ANKRD50: variants seen among roughly 807,000 people sequenced by gnomAD.
ANKRD50 encodes ankyrin repeat domain 50.
A neutral mutation model predicts 112.0 loss-of-function variants in ANKRD50; 40 were observed. That is an observed-to-expected ratio of 0.36 (90% CI 0.28 to 0.46). ANKRD50 has a LOEUF of 0.46. Ranked by LOEUF, ANKRD50 falls within the 20% of genes least tolerant of loss-of-function variation. The pLI is 1.00. For synonymous variants in ANKRD50, 613 were observed against 619.1 expected, an observed-to-expected ratio of 0.99 and a Z score of 0.15; for missense variants, 1,487 against 1,701.7, an observed-to-expected ratio of 0.87 and a Z score of 2.22.
At chr4:124,681,163 A>T (rs533593636) in intron 2 of ANKRD50, among the ~76,000 whole-genome samples, 1 of 152,256 alleles carries the variant, frequency 6.6e-6, no homozygotes, top group Admixed American at 6.5e-5. Flanking sequence ...AAAAATCTCC[A>T]TCCAGAACTA....
intron 2 of ANKRD50, among the ~76,000 whole-genome samples, chr4:124,708,503 G>C (rs1333944622): frequency 1.3e-5 from 2 of 151,878 alleles, no homozygotes; most frequent in Non-Finnish European, 2.9e-5. Flanking sequence ...TCCCATATTT[G>C]AATTCTGTAC....
rs554751925 is a variant in ANKRD50 at position 124,684,954 on chromosome 4, C to T, written c.513-6049G>A. Among the ~76,000 whole-genome samples the T allele has an allele frequency of 2.2e-4, 33 of 152,280 alleles. No individual in the cohort carries two copies. In the East Asian group the frequency reaches 5.8e-3, roughly 27 times the overall value. ...TTTTTCTCTACCAAGAAAGCTCCCT[C>T]GCCAGGCAGTACTTCTTATCCTTCA... On this transcript the variant is annotated intron_variant, in intron 2 of 4. Transcript: ENST00000504087.
At chr4:124,668,650 C>T (rs1324759039) in intron 4 of ANKRD50, among the ~76,000 whole-genome samples, 1 of 152,062 alleles carries the variant, frequency 6.6e-6, no homozygotes, top group Non-Finnish European at 1.5e-5. Flanking sequence ...TAGGTCCAAG[C>T]ACTATTCCAA....
intron 2 of ANKRD50, among the ~76,000 whole-genome samples, chr4:124,705,206 T>C (rs926779847): frequency 6.6e-6 from 1 of 152,220 alleles, no homozygotes; most frequent in Non-Finnish European, 1.5e-5. Context: ...AGAAGGATTA[T>C]TCAAACATTC....
chr4:124,679,013 A>C (rs1724811469), intron 2 of ANKRD50, 108 bp from the exon 3 acceptor site: 2 of 844,830 alleles, frequency 2.4e-6, no homozygotes, highest in African/African-American at 1.7e-5. Context: ...GAATAAAATA[A>C]GGTATTAGAA....
rs367616100 is a variant in ANKRD50 at position 124,672,311 on chromosome 4, T to C, written c.966A>G (p.Glu322=). 14 of 1,613,378 alleles carry C rather than the reference T, an allele frequency of 8.7e-6. No homozygotes were observed. In the African/African-American group the frequency reaches 1.9e-4, roughly 22 times the overall value. ...TTAGAGTTCCTGGGATGTCACGAATTTCTCTTAACATAATAAAATTTTCTA... is the reference window on the plus strand; with the variant it reads ...TTAGAGTTCCTGGGATGTCACGAATCTCTCTTAACATAATAAAATTTTCTA... ...GVVENFIMLR[E]IRDIPGTLNG... Residue 322 remains glutamate (E), a synonymous_variant, in exon 4 of 5, where the codon GAA becomes GAG. Coordinates refer to ENST00000504087, the MANE Select transcript of ANKRD50 (RefSeq NM_020337.3).
Position 124,670,367 on chromosome 4 carries a change from T to G in ANKRD50, c.2910A>C (p.Ala970=), listed in dbSNP as rs1368817017. ...CTTCAGCATCACTTGCTTCTACGTT[T>G]GCACCATTTTCTAAAAAATATTCGG... ...TMAEYFLENG[A]NVEASDAEGR... The change falls in exon 4 of 5, where the codon GCA becomes GCC. Residue 970 remains alanine (A), a synonymous_variant. Transcript: ENST00000504087. 5 of 1,613,962 alleles carry G rather than the reference T, an allele frequency of 3.1e-6. No individual in the cohort carries two copies. Among genetic ancestry groups the G allele is most frequent in the Non-Finnish European group, 4.2e-6 (5 of 1,179,906 alleles).
In ANKRD50 at chr4:124,664,248, G is replaced by GGA. The variant is rs1038413945; in HGVS notation, c.*3269_*3270insTC. 2.0e-5 allele frequency: 3 copies of GGA among 151,778 alleles called. No homozygotes were observed. The highest frequency in any genetic ancestry group is 4.8e-5 in the African/African-American group (2 of 41,334). 9.4% of individuals were successfully genotyped at this position (151,778 alleles called of 1,614,324 possible). A position where few individuals can be genotyped will look rare whatever the true frequency, so the allele number is the denominator to read the frequency against. ...TGATATAGTATATAATCAGTCACGG[G>GGA]GGGGAAAAGAACATTAAGTCTTTAA... On this transcript the variant is annotated 3_prime_UTR_variant, in exon 5 of 5. Coordinates refer to ENST00000504087, the MANE Select transcript of ANKRD50 (RefSeq NM_020337.3).
chr4:124,682,594 T>C (rs897855850), intron 2 of ANKRD50, among the ~76,000 whole-genome samples: 4 of 152,152 alleles, frequency 2.6e-5, no homozygotes, highest in African/African-American at 9.6e-5. Flanking sequence ...GACTGTTATG[T>C]CCTCTTAAGT....
chr4:124,706,563 T>A (rs1309733277), intron 2 of ANKRD50, among the ~76,000 whole-genome samples: 1 of 152,082 alleles, frequency 6.6e-6, no homozygotes, highest in African/African-American at 2.4e-5. Flanking sequence ...TTAAAAAGCA[T>A]CAAGTAAATC....
chr4:124,674,564 A>T (rs1730727874), intron 3 of ANKRD50, among the ~76,000 whole-genome samples: 1 of 151,998 alleles, frequency 6.6e-6, no homozygotes, highest in Admixed American at 6.6e-5. Context: ...TCACAGTAAC[A>T]CAGCTAGAAA....
intron 2 of ANKRD50, among the ~76,000 whole-genome samples, chr4:124,696,001 T>C (rs746849981): frequency 2.6e-5 from 4 of 151,840 alleles, no homozygotes; most frequent in Non-Finnish European, 4.4e-5. Flanking sequence ...TAAAAAATTA[T>C]TAAACAGAAA....
rs1730500393 is a variant in ANKRD50 at position 124,666,718 on chromosome 4, TAGTC to T, written c.*796_*799del. The T allele has an allele frequency of 6.6e-6, 1 of 152,408 alleles. No homozygotes were observed. Among genetic ancestry groups the T allele is most frequent in the Non-Finnish European group, 1.5e-5 (1 of 67,928 alleles). 9.4% of individuals were successfully genotyped at this position (152,408 alleles called of 1,614,324 possible). ...GAGAATTTTCATGCCTCAGGAATGA[TAGTC>T]TGTCTTCTTAGAGGTGGAATGACAA... is the stretch of plus-strand genomic sequence containing the variant. On this transcript the variant is annotated 3_prime_UTR_variant, in exon 5 of 5. Transcript: ENST00000504087.
In ANKRD50 at chr4:124,671,588, T is replaced by A. The variant is rs1283164521; in HGVS notation, c.1689A>T (p.Leu563Phe). 1.9e-6 allele frequency: 3 copies of A among 1,613,854 alleles called. No individual in the cohort carries two copies. In the South Asian group the frequency reaches 3.3e-5, roughly 18 times the overall value. ...CTAAATCTGCTCCCCTAGAGACAAG[T>A]AAATTGACTACATCAAGACTGCCAC... ...AYSGSLDVVNLLVSRGADLEI... is the reference protein window; with the variant it reads ...AYSGSLDVVNFLVSRGADLEI... The change falls in exon 4 of 5, where the codon TTA becomes TTT. Residue 563 changes from leucine (L) to phenylalanine (F), a missense_variant. By Grantham distance (22) the Leu-to-Phe change is conservative (BLOSUM62 0). This residue lies in a region of ANKRD50 where 1,046 missense variants were observed against 1,269.5 expected (regional missense o/e 0.82). Transcript: ENST00000504087.
chr4:124,690,956 C>T (rs564548482), intron 2 of ANKRD50, among the ~76,000 whole-genome samples: 19 of 152,120 alleles, frequency 1.2e-4, no homozygotes, highest in Non-Finnish European at 2.5e-4. Context: ...ATAGTATAGG[C>T]ATACATTAAC....
In ANKRD50 at chr4:124,665,123, T is replaced by C. The variant is rs1223707966; in HGVS notation, c.*2395A>G. 6 of 151,912 alleles carry C rather than the reference T, an allele frequency of 3.9e-5. No individual in the cohort carries two copies. In the East Asian group the frequency reaches 1.2e-3, roughly 29 times the overall value. The allele number at this position is 151,912 out of a possible 1,614,324, so 9.4% of individuals were successfully genotyped here. On this transcript the variant is annotated 3_prime_UTR_variant, in exon 5 of 5. Coordinates refer to ENST00000504087, the MANE Select transcript of ANKRD50 (RefSeq NM_020337.3). ...TTTAATGGAGCAGAAGCCATTTTCATTTATAGTATTAAATCCCCCACAGAA... is the reference window on the plus strand; with the variant it reads ...TTTAATGGAGCAGAAGCCATTTTCACTTATAGTATTAAATCCCCCACAGAA...
chr4:124,708,088 C>A (rs1725545896), intron 2 of ANKRD50, among the ~76,000 whole-genome samples: 1 of 152,026 alleles, frequency 6.6e-6, no homozygotes, highest in Admixed American at 6.6e-5. Context: ...TGTCAATAAA[C>A]CTAAATAGCT....
rs1274328648 is a variant in ANKRD50, at chr4:124,664,186, T to C, written c.*3332A>G. On this transcript the variant is annotated 3_prime_UTR_variant, in exon 5 of 5. Transcript: ENST00000504087. ...CACACATATACAAAAGTTATTGGAT[T>C]ACTGCAATTCTCAGAGGCACAAAAC... 6.6e-6 allele frequency: 1 copy of C among 151,956 alleles called. No individual in the cohort carries two copies. Among genetic ancestry groups the C allele is most frequent in the African/African-American group, 2.4e-5 (1 of 41,404 alleles). The allele number at this position is 151,956 out of a possible 1,614,324, so 9.4% of individuals were successfully genotyped here.
At chr4:124,702,951 G>A (rs1422455790) in intron 2 of ANKRD50, among the ~76,000 whole-genome samples, 6 of 152,016 alleles carry the variant, frequency 3.9e-5, no homozygotes, top group Admixed American at 6.6e-5. Flanking sequence ...ACTACCAAGT[G>A]AAAGGATACA....
Sources: gnomAD v4.1 joint callset for allele counts (sites outside exome capture counted in the v4.1 genomes callset) on GRCh38, gnomAD v4.1.1 for gene constraint, gnomAD v4.1.1 regional missense constraint, MANE v1.5 for transcripts, NCBI Gene and HGNC (gene_info 2026-07-23, HGNC 2026-07-21) for gene names.